PSD3: variants seen among roughly 807,000 people sequenced by gnomAD.
PSD3 encodes the protein PH and SEC7 domain-containing protein 3.
In PSD3, 49 loss-of-function variants were observed where a neutral mutation model predicts 105.5. The observed-to-expected ratio is 0.46, with a 90% confidence interval of 0.37 to 0.59. The LOEUF (loss-of-function observed/expected upper bound fraction) is 0.59. Ranked by LOEUF, PSD3 falls within the 20% of genes least tolerant of loss-of-function variation. The probability of loss-of-function intolerance (pLI) is 0.00; values close to 1 mark genes in which losing one functional copy is unlikely to be tolerated. For missense variants in PSD3, 1,561 were observed against 1,263.8 expected, an observed-to-expected ratio of 1.24 and a Z score of -3.57; for synonymous variants, 557 against 457.8, an observed-to-expected ratio of 1.22 and a Z score of -2.77.
At chr8:18,868,832 G>A (rs746411374) in intron 3 of PSD3, among the ~76,000 whole-genome samples, 8 of 152,182 alleles carry the variant, frequency 5.3e-5, no homozygotes, top group Non-Finnish European at 1.0e-4. Context: ...TCACTACTAA[G>A]AGCAAGAGGT....
intron 9 of PSD3, among the ~76,000 whole-genome samples, chr8:18,728,246 C>A (rs911806561): frequency 6.6e-6 from 1 of 152,182 alleles, no homozygotes; most frequent in African/African-American, 2.4e-5. Context: ...ATACTCATTG[C>A]AAGAATTCAA....
chr8:18,955,775 T>TATTTATTTATTG (rs1823529786), intron 1 of PSD3, among the ~76,000 whole-genome samples: 1 of 151,798 alleles, frequency 6.6e-6, no homozygotes, highest in African/African-American at 2.4e-5. Flanking sequence ...TTTATTTATT[T>TATTTATTTATTG]ATTTTATTTT....
chr8:18,821,719 C>CACACACACA (rs1563312321), intron 4 of PSD3, among the ~76,000 whole-genome samples: 40 of 20,278 alleles, frequency 2.0e-3, no homozygotes, highest in African/African-American at 3.5e-3. Flanking sequence ...ACACACACAC[C>CACACACACA]CCAATAACAA....
At chr8:18,877,685 G>T (rs886322963) in intron 2 of PSD3, among the ~76,000 whole-genome samples, 1 of 151,614 alleles carries the variant, frequency 6.6e-6, no homozygotes, top group African/African-American at 2.4e-5. Flanking sequence ...GGGGCTATAC[G>T]CATGCACCAC....
intron 9 of PSD3, among the ~76,000 whole-genome samples, chr8:18,668,427 A>G (rs561236836): frequency 9.2e-5 from 14 of 152,332 alleles, no homozygotes; most frequent in African/African-American, 1.9e-4. Flanking sequence ...ATAACTATCA[A>G]TGAGGCCCCA....
chr8:18,793,835 G>A (rs565471953), intron 8 of PSD3, among the ~76,000 whole-genome samples: 1 of 152,280 alleles, frequency 6.6e-6, no homozygotes, highest in South Asian at 2.1e-4. Flanking sequence ...TTACAATAGT[G>A]ATCATTACAG....
intron 9 of PSD3, among the ~76,000 whole-genome samples, chr8:18,730,572 T>C (rs1429716104): frequency 2.0e-5 from 3 of 152,372 alleles, no homozygotes; most frequent in East Asian, 3.9e-4. Context: ...TTACATTCAC[T>C]GGCCTTTCAT....
intron 12 of PSD3, among the ~76,000 whole-genome samples, chr8:18,598,852 T>G (rs576206182): frequency 6.6e-6 from 1 of 152,144 alleles, no homozygotes; most frequent in African/African-American, 2.4e-5. Flanking sequence ...AAAAGACATA[T>G]ACACTGAAAA....
At position 18,871,959 on chromosome 8, in the gene PSD3, T is replaced by C. The variant is rs1563369264; in HGVS notation, c.905A>G (p.Gln302Arg). Residue 302 changes from glutamine to arginine, a missense_variant, in exon 3 of 16, where the codon CAA becomes CGA. Coordinates refer to ENST00000327040, the MANE Select transcript of PSD3 (RefSeq NM_015310.4). ...TCCTGTCCACAGTATTTCCACTCCT[T>C]GAAATTCCACATGTTTGACCCGGCC... ...RPGRVKHVEFQGVEILWTGGD... is the reference protein window; with the variant it reads ...RPGRVKHVEFRGVEILWTGGD... 6.2e-7 allele frequency: 1 copy of C among 1,613,900 alleles called. No homozygotes were observed. Among genetic ancestry groups the C allele is most frequent in the East Asian group, 2.2e-5 (1 of 44,864 alleles).
chr8:18,933,904 A>T (rs928725576), intron 2 of PSD3, among the ~76,000 whole-genome samples: 2 of 152,228 alleles, frequency 1.3e-5, no homozygotes, highest in Non-Finnish European at 2.9e-5. Context: ...AAACAGCATA[A>T]ATGGCTACAA....
At chr8:18,725,732 T>A (rs1046911403) in intron 9 of PSD3, among the ~76,000 whole-genome samples, 1 of 152,184 alleles carries the variant, frequency 6.6e-6, no homozygotes, top group African/African-American at 2.4e-5. Context: ...TGAACAGATA[T>A]CATCTCCTAG....
Position 18,721,495 on chromosome 8 carries a change from A to G in PSD3, c.2172+43954T>C, listed in dbSNP as rs28477151. On this transcript the variant is annotated intron_variant, in intron 9 of 15. Coordinates refer to ENST00000327040, the MANE Select transcript of PSD3 (RefSeq NM_015310.4). ...TAGCTGGGACCATTAAAGCCTTAGA[A>G]GTTAAAAAGATTGACGTTTATTGAG... Among the ~76,000 whole-genome samples the G allele has an allele frequency of 9.2e-3, 1,400 of 152,314 alleles. 26 individuals carry two copies. Among genetic ancestry groups the G allele is most frequent in the African/African-American group, 0.032 (1,347 of 41,566 alleles).
chr8:18,914,630 A>G (rs1820462591), intron 2 of PSD3, among the ~76,000 whole-genome samples: 4 of 152,218 alleles, frequency 2.6e-5, no homozygotes, highest in Admixed American at 2.0e-4. Flanking sequence ...ACAAAAAGTA[A>G]AATACTTCAG....
At chr8:18,572,876 C>T (rs1802228424) in intron 13 of PSD3, among the ~76,000 whole-genome samples, 1 of 152,166 alleles carries the variant, frequency 6.6e-6, no homozygotes, top group African/African-American at 2.4e-5. Flanking sequence ...CAGTGCCAGA[C>T]TGTGATTCTC....
At chr8:18,716,811 G>C (rs1802628485) in intron 9 of PSD3, among the ~76,000 whole-genome samples, 1 of 152,078 alleles carries the variant, frequency 6.6e-6, no homozygotes, top group Non-Finnish European at 1.5e-5. Flanking sequence ...CTTCTATGGA[G>C]TAACTTTTTC....
At chr8:18,545,571 T>A (rs376895484) in intron 15 of PSD3, among the ~76,000 whole-genome samples, 1 of 152,212 alleles carries the variant, frequency 6.6e-6, no homozygotes, top group African/African-American at 2.4e-5. Flanking sequence ...TACTGCTATC[T>A]GGGTAAGAGA....
At chr8:19,030,232 T>A (rs1017162066) in intron 1 of PSD3, among the ~76,000 whole-genome samples, 1 of 152,252 alleles carries the variant, frequency 6.6e-6, no homozygotes, top group African/African-American at 2.4e-5. Flanking sequence ...GATACTCATA[T>A]GATTTTTCTT....
intron 2 of PSD3, among the ~76,000 whole-genome samples, chr8:18,934,242 C>A (rs1293542553): frequency 6.6e-6 from 1 of 152,076 alleles, no homozygotes; most frequent in Non-Finnish European, 1.5e-5. Flanking sequence ...GATTCTTGGT[C>A]TTCCCAAAAC....
At chr8:18,668,525 A>G (rs1308071529) in intron 9 of PSD3, among the ~76,000 whole-genome samples, 1 of 151,984 alleles carries the variant, frequency 6.6e-6, no homozygotes, top group African/African-American at 2.4e-5. Context: ...TATTATTCCC[A>G]CTCTAGAAAT....
Sources: allele counts gnomAD v4.1 joint callset (sites outside exome capture counted in the v4.1 genomes callset), GRCh38; gene constraint gnomAD v4.1.1; transcripts MANE v1.5; gene names NCBI Gene and HGNC (gene_info 2026-07-23, HGNC 2026-07-21).